Variants in ZMAT4 observed in about 807,000 individuals in gnomAD.
The protein encoded by ZMAT4 is zinc finger matrin-type 4.
In ZMAT4, 17 loss-of-function variants were observed where a neutral mutation model predicts 28.7. That is an observed-to-expected ratio of 0.59 (90% CI 0.41 to 0.89). The LOEUF (loss-of-function observed/expected upper bound fraction) is 0.89, where lower values mean the gene tolerates loss of function less well. Ranked by LOEUF, ZMAT4 falls within the 40% of genes least tolerant of loss-of-function variation. The pLI is 0.00. For missense variants in ZMAT4, 240 were observed against 283.8 expected (o/e 0.85, Z 1.11); for synonymous variants, 117 against 109.2 (o/e 1.07, Z -0.44).
chr8:40,857,260 C>T (rs191264553), intron 1 of ZMAT4, among the ~76,000 whole-genome samples: 3 of 152,118 alleles, frequency 2.0e-5, no homozygotes, highest in Admixed American at 6.5e-5. Flanking sequence ...GAGGCTGAGG[C>T]AGAAGGATCG....
chr8:40,628,444 A>T (rs1806455257), intron 5 of ZMAT4, among the ~76,000 whole-genome samples: 1 of 152,238 alleles, frequency 6.6e-6, no homozygotes, highest in African/African-American at 2.4e-5. Context: ...GATTATCTCT[A>T]TTCTAGGCTC....
chr8:40,686,890 A>G (rs1375366518), intron 4 of ZMAT4, among the ~76,000 whole-genome samples: 1 of 152,096 alleles, frequency 6.6e-6, no homozygotes, highest in African/African-American at 2.4e-5. Context: ...AGAGAAAACT[A>G]AGACTAGAAC....
At chr8:40,823,517 G>T (rs1815905981) in intron 2 of ZMAT4, among the ~76,000 whole-genome samples, 1 of 152,102 alleles carries the variant, frequency 6.6e-6, no homozygotes, top group Admixed American at 6.5e-5. Context: ...AAATTAGCCA[G>T]GTGTGGTGTC....
rs549808170 is a variant in ZMAT4 at position 40,788,969 on chromosome 8, AAGGG to A, written c.103-21243_103-21240del. 3.5e-3 allele frequency among the ~76,000 whole-genome samples: 472 copies of A among 136,488 alleles called. 1 individual carries two copies. Among genetic ancestry groups the A allele is most frequent in the African/African-American group, 0.012 (420 of 36,246 alleles). The allele number at this position is 136,488 out of a possible 152,430, so 89.5% of individuals were successfully genotyped here. ...TCATACCTACAGAAAGAGAGAGAGGAAGGGAGGGAGGGAGGGAGGAAGGGAGGGA... is the reference window on the plus strand; with the variant it reads ...TCATACCTACAGAAAGAGAGAGAGGAAGGGAGGGAGGGAGGAAGGGAGGGA... On this transcript the variant is annotated intron_variant, in intron 2 of 6. Transcript: ENST00000297737.
chr8:40,653,475 T>C (rs1266281786), intron 5 of ZMAT4, among the ~76,000 whole-genome samples: 1 of 152,024 alleles, frequency 6.6e-6, no homozygotes, highest in South Asian at 2.1e-4. Context: ...TGAAAGTTGA[T>C]TATTTGAAAA....
intron 5 of ZMAT4, among the ~76,000 whole-genome samples, chr8:40,636,864 A>T (rs1400113226): frequency 3.3e-5 from 5 of 152,164 alleles, no homozygotes; most frequent in Non-Finnish European, 7.3e-5. Flanking sequence ...CCAACTTTTA[A>T]AATGAAAACT....
At chr8:40,736,253 C>A (rs981394698) in intron 3 of ZMAT4, among the ~76,000 whole-genome samples, 1 of 152,176 alleles carries the variant, frequency 6.6e-6, no homozygotes, top group Non-Finnish European at 1.5e-5. Context: ...ACTCCTCTAA[C>A]CTTTCCTGAC....
chr8:40,651,335 A>G (rs1273281980), intron 5 of ZMAT4, among the ~76,000 whole-genome samples: 2 of 152,236 alleles, frequency 1.3e-5, no homozygotes, highest in Non-Finnish European at 2.9e-5. Flanking sequence ...CAATTGCTTT[A>G]AAGAGAATAA....
Position 40,532,116 on chromosome 8 carries a change from G to T in ZMAT4, c.*107C>A, listed in dbSNP as rs1043214347. 2.8e-5 allele frequency: 29 copies of T among 1,045,122 alleles called. No homozygotes were observed. In the South Asian group the frequency reaches 2.8e-4, roughly 10 times the overall value. The allele number at this position is 1,045,122 out of a possible 1,614,324, so 64.7% of individuals were successfully genotyped here. The stretch of plus-strand genomic sequence containing the variant: ...TATGTGAATCTGTGAATCCTTATAA[G>T]AAATGTTTATTGTTCAAGAAAGAAG... On this transcript the variant is annotated 3_prime_UTR_variant, in exon 7 of 7. Transcript: ENST00000297737.
At chr8:40,697,696 C>T (rs1451259434) in intron 3 of ZMAT4, among the ~76,000 whole-genome samples, 1 of 151,906 alleles carries the variant, frequency 6.6e-6, no homozygotes, top group East Asian at 1.9e-4. Context: ...TCTCCTAATG[C>T]TATCCCTCCC....
chr8:40,589,316 T>C (rs763770222), intron 5 of ZMAT4, among the ~76,000 whole-genome samples: 4 of 152,164 alleles, frequency 2.6e-5, no homozygotes, highest in Non-Finnish European at 5.9e-5. Context: ...ACCCACACAT[T>C]CTGGCTGTAG....
chr8:40,712,404 C>T (rs1050912136), intron 3 of ZMAT4, among the ~76,000 whole-genome samples: 1 of 152,236 alleles, frequency 6.6e-6, no homozygotes, highest in Non-Finnish European at 1.5e-5. Flanking sequence ...GTCCCCCAGA[C>T]TCAGATTTGT....
intron 1 of ZMAT4, among the ~76,000 whole-genome samples, chr8:40,842,429 G>A (rs181209352): frequency 1.3e-5 from 2 of 152,316 alleles, no homozygotes; most frequent in African/African-American, 4.8e-5. Context: ...TTATCTTCCA[G>A]TTATCTTTCT....
At chr8:40,560,822 C>T (rs1246886313) in intron 6 of ZMAT4, among the ~76,000 whole-genome samples, 1 of 152,156 alleles carries the variant, frequency 6.6e-6, no homozygotes, top group Non-Finnish European at 1.5e-5. Flanking sequence ...AAGACATCGC[C>T]AGCCAATGAA....
intron 5 of ZMAT4, among the ~76,000 whole-genome samples, chr8:40,663,539 C>G (rs1226699399): frequency 6.6e-6 from 1 of 152,044 alleles, no homozygotes; most frequent in African/African-American, 2.4e-5. Flanking sequence ...AATAAGAGAA[C>G]CAAAATTATC....
intron 3 of ZMAT4, among the ~76,000 whole-genome samples, chr8:40,719,089 C>T (rs1810971449): frequency 6.6e-6 from 1 of 152,124 alleles, no homozygotes; most frequent in South Asian, 2.1e-4. Flanking sequence ...AAATGCATTA[C>T]CCCAAACTGA....
At chr8:40,796,592 A>G (rs1354547004) in intron 2 of ZMAT4, among the ~76,000 whole-genome samples, 1 of 152,174 alleles carries the variant, frequency 6.6e-6, no homozygotes, top group Non-Finnish European at 1.5e-5. Context: ...AACTTTCAAA[A>G]CTGCAGACCT....
intron 6 of ZMAT4, among the ~76,000 whole-genome samples, chr8:40,567,236 G>A (rs1223293844): frequency 6.6e-6 from 1 of 152,056 alleles, no homozygotes; most frequent in Non-Finnish European, 1.5e-5. Context: ...TGACTACTCG[G>A]CATGAAATGG....
intron 3 of ZMAT4, among the ~76,000 whole-genome samples, chr8:40,732,757 C>T (rs190562547): frequency 1.5e-3 from 233 of 151,758 alleles, no homozygotes; most frequent in African/African-American, 5.5e-3. Context: ...GCCCCAGTGG[C>T]CTCAACTGTG....
Sources: allele counts gnomAD v4.1 joint callset (sites outside exome capture counted in the v4.1 genomes callset), GRCh38; gene constraint gnomAD v4.1.1; transcripts MANE v1.5; gene names NCBI Gene and HGNC (gene_info 2026-07-23, HGNC 2026-07-21).